The following KLRB1 variants were observed in gnomAD, a reference collection of about 807,000 sequenced individuals.
KLRB1 encodes the protein killer cell lectin-like receptor subfamily B member 1.
In KLRB1, 27 loss-of-function variants were observed where a neutral mutation model predicts 33.5. The ratio of observed to expected loss-of-function variants is 0.81; its 90% CI spans 0.59 to 1.11. The LOEUF (loss-of-function observed/expected upper bound fraction) is 1.11. Among genes scored for constraint, KLRB1 ranks in the 50% most tolerant of loss-of-function variants. The probability of loss-of-function intolerance (pLI) is 0.00; values close to 1 mark genes in which losing one functional copy is unlikely to be tolerated. For synonymous variants in KLRB1, 64 were observed against 88.9 expected (o/e 0.72, Z 1.58); for missense variants, 241 against 254.1 (o/e 0.95, Z 0.35).
At chr12:9,599,066 T>C (rs1864517099) in intron 3 of KLRB1, among the ~76,000 whole-genome samples, 1 of 152,190 alleles carries the variant, frequency 6.6e-6, no homozygotes, top group South Asian at 2.1e-4. Context: ...ATAAAACTCA[T>C]GTAAAAAGTA....
rs754130813 is a variant in KLRB1, at chr12:9,595,172, G to A, written c.*102C>T. 1.1e-6 allele frequency: 1 copy of A among 917,956 alleles called. No individual in the cohort carries two copies. Among genetic ancestry groups the A allele is most frequent in the Non-Finnish European group, 1.7e-6 (1 of 589,834 alleles). The allele number at this position is 917,956 out of a possible 1,614,324, so 56.9% of individuals were successfully genotyped here. On this transcript the variant is annotated 3_prime_UTR_variant, in exon 6 of 6. Coordinates refer to ENST00000229402, the MANE Select transcript of KLRB1 (RefSeq NM_002258.3). ...GTCAATTCTCAGAATTGTTCACTTT[G>A]TGCCACTAAATGTGGCACTATTAGG...
chr12:9,601,285 G>C (rs953169455), intron 2 of KLRB1, among the ~76,000 whole-genome samples: 1 of 150,952 alleles, frequency 6.6e-6, no homozygotes, highest in Non-Finnish European at 1.5e-5. Context: ...TCAGAGGCTG[G>C]CGGGATCCTC....
intron 1 of KLRB1, among the ~76,000 whole-genome samples, chr12:9,602,205 A>G (rs1864553537): frequency 6.6e-6 from 1 of 152,232 alleles, no homozygotes; most frequent in South Asian, 2.1e-4. Context: ...TATCACTAGT[A>G]TAACATAACA....
rs1565441320 is a variant in KLRB1, at chr12:9,594,917, GTGC to G, written c.*354_*356del. 0.39 allele frequency: 68,778 copies of G among 177,740 alleles called. 14,817 individuals are homozygous for G. Among genetic ancestry groups the G allele is most frequent in the South Asian group, 0.55 (3,571 of 6,488 alleles). The allele number at this position is 177,740 out of a possible 1,614,324, so 11.0% of individuals were successfully genotyped here. On this transcript the variant is annotated 3_prime_UTR_variant, in exon 6 of 6. Transcript: ENST00000229402. ...CAGAGGAATCTTCACGGCTTGCCGC[GTGC>G]GGGAAGAGACAGGTCAGCTCTCCCT... is the stretch of plus-strand genomic sequence containing the variant.
chr12:9,599,446 A>G (rs1294863240), intron 3 of KLRB1, among the ~76,000 whole-genome samples: 1 of 152,220 alleles, frequency 6.6e-6, no homozygotes, highest in Non-Finnish European at 1.5e-5. Flanking sequence ...CAGCTCACTA[A>G]AATAATCAGA....
In KLRB1 at chr12:9,598,123, C is replaced by T. The variant is rs763320195; in HGVS notation, c.453G>A (p.Leu151=). The T allele has an allele frequency of 1.1e-5, 17 of 1,600,470 alleles. No individual in the cohort carries two copies. In the Admixed American group the frequency reaches 2.8e-4, roughly 27 times the overall value. The stretch of plus-strand genomic sequence containing the variant: ...ATGAAAAATTTAATCCAATCCAAAA[C>T]AGAATTGCTTTGTCACGTATCAGGT... ...TQNLIRDKAI[L]FWIGLNFSLS... The change falls in exon 5 of 6, where the codon CTG becomes CTA. Residue 151 remains leucine (L), a synonymous_variant. Coordinates refer to ENST00000229402, the MANE Select transcript of KLRB1 (RefSeq NM_002258.3).
chr12:9,601,926 T>G (rs1201139042), intron 1 of KLRB1, among the ~76,000 whole-genome samples: 4 of 152,226 alleles, frequency 2.6e-5, no homozygotes, highest in Non-Finnish European at 5.9e-5. Flanking sequence ...ATACAAAAAT[T>G]AAGTGCATGT....
Position 9,598,139 on chromosome 12 carries a change from C to G in KLRB1, c.437G>C (p.Arg146Pro), listed in dbSNP as rs146949020. The G allele has an allele frequency of 5.0e-6, 8 of 1,604,874 alleles. No individual in the cohort carries two copies. The South Asian group carries it at 8.9e-5, about 18-fold the overall frequency. ...DELIHTQNLI[R>P]DKAILFWIGL... ...AATCCAAAACAGAATTGCTTTGTCA[C>G]GTATCAGGTTCTGTGTGTGTATCTA... Residue 146 changes from arginine (R) to proline (P), a missense_variant, in exon 5 of 6, where the codon CGT becomes CCT. Transcript: ENST00000229402.
rs768542832 is a variant in KLRB1, at chr12:9,607,830, G to A, written c.10C>T (p.Gln4Ter). ...AAGTTTAACTCAGCATATATTGCTTGTTGGTCCATGGCAGACAGAGGAAGG... is the reference window on the plus strand; with the variant it reads ...AAGTTTAACTCAGCATATATTGCTTATTGGTCCATGGCAGACAGAGGAAGG... MDQ[Q>*]AIYAELNLPT... is the part of the protein sequence containing the mutation. Residue 4 changes from glutamine (Q) to a stop codon, truncating the protein, a stop_gained, in exon 1 of 6, where the codon CAA becomes TAA. Transcript: ENST00000229402. LOFTEE classifies it high-confidence loss of function. 2.5e-6 allele frequency: 4 copies of A among 1,612,208 alleles called. No homozygotes were observed. Among genetic ancestry groups the A allele is most frequent in the East Asian group, 2.2e-5 (1 of 44,862 alleles).
At chr12:9,607,332 T>TTCCTTCCTTTCTTTCTTCC (rs1555097748) in intron 1 of KLRB1, among the ~76,000 whole-genome samples, 2 of 58,622 alleles carry the variant, frequency 3.4e-5, no homozygotes, top group South Asian at 8.9e-4. Flanking sequence ...TTTCTCTTTC[T>TTCCTTCCTTTCTTTCTTCC]TTCCTTTCTT....
Position 9,601,495 on chromosome 12 carries a change from A to G in KLRB1, c.184+6T>C. On this transcript the variant is annotated splice_donor_region_variant and intron_variant, in intron 2 of 5. Coordinates refer to ENST00000229402, the MANE Select transcript of KLRB1 (RefSeq NM_002258.3). The stretch of plus-strand genomic sequence containing the variant: ...ATTATGAAACAGATGATGGTGCCCC[A>G]CTTACCTGAAACACTCAACCCAGTA... The G allele has an allele frequency of 6.3e-7, 1 of 1,594,112 alleles. No homozygotes were observed. Among genetic ancestry groups the G allele is most frequent in the Non-Finnish European group, 8.6e-7 (1 of 1,161,878 alleles).
Position 9,595,076 on chromosome 12 carries a change from CTA to C in KLRB1, c.*196_*197del. ...TCTTTAAAACGATGCACGTTTTTCT[CTA>C]TGTCTCTGTTTCCTCATTTAATAGA... is the stretch of plus-strand genomic sequence containing the variant. On this transcript the variant is annotated 3_prime_UTR_variant, in exon 6 of 6. Coordinates refer to ENST00000229402, the MANE Select transcript of KLRB1 (RefSeq NM_002258.3). The C allele has an allele frequency of 1.8e-6, 1 of 557,816 alleles. No individual in the cohort carries two copies. The highest frequency in any genetic ancestry group is 3.2e-6 in the Non-Finnish European group (1 of 315,206). 34.6% of individuals were successfully genotyped at this position (557,816 alleles called of 1,614,324 possible).
intron 1 of KLRB1, among the ~76,000 whole-genome samples, chr12:9,604,525 C>A (rs144724322): frequency 6.6e-6 from 1 of 152,128 alleles, no homozygotes; most frequent in Non-Finnish European, 1.5e-5. Flanking sequence ...GGCCTCCATA[C>A]GCTCACTCTC....
intron 1 of KLRB1, among the ~76,000 whole-genome samples, chr12:9,604,538 C>T (rs530299742): frequency 2.0e-5 from 3 of 152,180 alleles, no homozygotes; most frequent in African/African-American, 4.8e-5. Context: ...TCACTCTCCA[C>T]GCAGATGCCT....
At chr12:9,598,419 C>T (rs903697674) in intron 4 of KLRB1, 80 bp downstream of exon 4, 50 of 1,245,848 alleles carry the variant, frequency 4.0e-5, no homozygotes, top group Non-Finnish European at 5.2e-5. Context: ...TTGCATAAAA[C>T]CCCTGGGCTA....
chr12:9,598,218 T>A, intron 4 of KLRB1, 57 bp from the exon 5 acceptor site: 1 of 1,129,074 alleles, frequency 8.9e-7, no homozygotes, highest in Non-Finnish European at 1.3e-6. Context: ...TTTGATCCCC[T>A]AAAACCTAGT....
At chr12:9,601,463 A>T in intron 2 of KLRB1, 38 bp downstream of exon 2, 1 of 1,431,258 alleles carries the variant, frequency 7.0e-7, no homozygotes, top group Non-Finnish European at 9.9e-7. Context: ...ATGGAAGTAG[A>T]GTAAGTATTA....
chr12:9,598,526 C>G lies in KLRB1; in HGVS notation c.387G>C (p.Leu129=). 2 of 1,611,656 alleles carry G rather than the reference C, an allele frequency of 1.2e-6. No individual in the cohort carries two copies. Among genetic ancestry groups the G allele is most frequent in the South Asian group, 1.1e-5 (1 of 90,848 alleles). Residue 129 remains leucine (L), a synonymous_variant, in exon 4 of 6, where the codon CTG becomes CTC. Transcript: ENST00000229402. ...LADCSTKESS[L]LLIRDKDELI... The stretch of plus-strand genomic sequence containing the variant: ...ATTCATCCTTATCTCGAATAAGCAG[C>G]AGGCTGGATTCTTTGGTGGAACAAT...
At chr12:9,597,528 T>G (rs1864503122) in intron 5 of KLRB1, among the ~76,000 whole-genome samples, 1 of 152,102 alleles carries the variant, frequency 6.6e-6, no homozygotes, top group African/African-American at 2.4e-5. Flanking sequence ...GTTAGACATG[T>G]TTTCATCACA....
Sources: allele counts gnomAD v4.1 joint callset (sites outside exome capture counted in the v4.1 genomes callset), GRCh38; gene constraint gnomAD v4.1.1; transcripts MANE v1.5; gene names NCBI Gene and HGNC (gene_info 2026-07-23, HGNC 2026-07-21).